Variants in ALK observed in about 807,000 individuals in gnomAD.
The protein encoded by ALK is ALK tyrosine kinase receptor.
Under a neutral mutation model 163.1 loss-of-function variants are expected in ALK, and 74 were observed. The observed-to-expected ratio is 0.45, with a 90% CI of 0.38 to 0.55. The LOEUF is 0.55. Ranked by LOEUF, ALK falls within the 20% of genes least tolerant of loss-of-function variation. ALK has a pLI of 0.00. For synonymous variants in ALK, 960 were observed against 843.2 expected, an observed-to-expected ratio of 1.14 and a Z score of -2.40; for missense variants, 2,063 against 2,105.3, an observed-to-expected ratio of 0.98 and a Z score of 0.39.
chr2:29,691,360 T>C (rs994371078), intron 3 of ALK, among the ~76,000 whole-genome samples: 2 of 152,224 alleles, frequency 1.3e-5, no homozygotes, highest in Non-Finnish European at 1.5e-5. Context: ...TCTTAAGTTA[T>C]GTTTGGATGT....
intron 3 of ALK, among the ~76,000 whole-genome samples, chr2:29,573,391 A>C (rs1292458104): frequency 6.6e-6 from 1 of 152,228 alleles, no homozygotes; most frequent in Non-Finnish European, 1.5e-5. Context: ...ATCCAGTCTA[A>C]CACCTGTTTT....
intron 1 of ALK, among the ~76,000 whole-genome samples, chr2:29,867,540 C>T (rs1666466260): frequency 6.6e-6 from 1 of 152,134 alleles, no homozygotes; most frequent in Admixed American, 6.6e-5. Context: ...TTGTCTCTGA[C>T]AATTTAAGAT....
At chr2:29,439,014 C>A (rs554702536) in intron 4 of ALK, among the ~76,000 whole-genome samples, 9 of 152,248 alleles carry the variant, frequency 5.9e-5, no homozygotes, top group Admixed American at 2.6e-4. Flanking sequence ...CCTCTGTAGC[C>A]CAGATATTGT....
chr2:29,476,057 T>C (rs569450508), intron 4 of ALK, among the ~76,000 whole-genome samples: 13 of 152,302 alleles, frequency 8.5e-5, no homozygotes, highest in African/African-American at 3.1e-4. Context: ...GCGCTGCCTA[T>C]GGGCGGGAGT....
intron 4 of ALK, among the ~76,000 whole-genome samples, chr2:29,384,838 G>A (rs1668990085): frequency 6.6e-6 from 1 of 152,094 alleles, no homozygotes; most frequent in Admixed American, 6.6e-5. Context: ...GGATCATGAG[G>A]TCAAGAGATT....
At chr2:29,506,015 T>C (rs147269141) in intron 4 of ALK, among the ~76,000 whole-genome samples, 1 of 152,210 alleles carries the variant, frequency 6.6e-6, no homozygotes, top group East Asian at 1.9e-4. Flanking sequence ...CAGAGCCAGT[T>C]TTTTTCTGAG....
chr2:29,662,766 GA>G (rs1202087729), intron 3 of ALK, among the ~76,000 whole-genome samples: 2 of 152,028 alleles, frequency 1.3e-5, no homozygotes, highest in African/African-American at 2.4e-5. Context: ...ACCTACACGT[GA>G]AGGCATTTTT....
chr2:29,211,844 A>G (rs1669474841), intron 24 of ALK, among the ~76,000 whole-genome samples: 1 of 152,250 alleles, frequency 6.6e-6, no homozygotes, highest in Non-Finnish European at 1.5e-5. Context: ...TTGGTGTTTG[A>G]CAATTTAATT....
At chr2:29,463,328 A>G (rs778721441) in intron 4 of ALK, among the ~76,000 whole-genome samples, 3 of 152,174 alleles carry the variant, frequency 2.0e-5, no homozygotes, top group Non-Finnish European at 4.4e-5. Context: ...ACCACAGAAA[A>G]TGATGACTGC....
chr2:29,706,622 G>C (rs911164127), intron 2 of ALK, among the ~76,000 whole-genome samples: 1 of 152,184 alleles, frequency 6.6e-6, no homozygotes, highest in Admixed American at 6.5e-5. Flanking sequence ...CATGAACACA[G>C]CCTCAGAGGG....
intron 4 of ALK, among the ~76,000 whole-genome samples, chr2:29,465,062 C>G (rs949170673): frequency 7.2e-5 from 11 of 152,252 alleles, no homozygotes; most frequent in African/African-American, 2.4e-4. Flanking sequence ...TTTAAGTTCA[C>G]AGAGCCAAGA....
intron 4 of ALK, among the ~76,000 whole-genome samples, chr2:29,502,634 C>T (rs1314751790): frequency 6.6e-6 from 1 of 152,136 alleles, no homozygotes; most frequent in Non-Finnish European, 1.5e-5. Context: ...CAGCACCGGC[C>T]TGGGTATCTG....
At chr2:29,885,038 T>G (rs1337095801) in intron 1 of ALK, among the ~76,000 whole-genome samples, 1 of 152,198 alleles carries the variant, frequency 6.6e-6, no homozygotes. Context: ...TCCTAAACCT[T>G]GAAGAGAAAA....
intron 3 of ALK, among the ~76,000 whole-genome samples, chr2:29,593,490 C>T (rs13391846): frequency 0.028 from 4,225 of 152,294 alleles, 203 homozygotes; most frequent in African/African-American, 0.096. Context: ...CTGTATTTCC[C>T]ACTGCAAAAC....
intron 1 of ALK, among the ~76,000 whole-genome samples, chr2:29,853,592 C>T (rs1039399796): frequency 1.3e-5 from 2 of 152,212 alleles, no homozygotes; most frequent in Admixed American, 6.5e-5. Context: ...CACCTCTGCT[C>T]TCCCTACCTA....
intron 4 of ALK, among the ~76,000 whole-genome samples, chr2:29,433,664 C>T (rs1185233216): frequency 6.6e-6 from 1 of 151,464 alleles, no homozygotes; most frequent in Admixed American, 6.6e-5. Context: ...GGCTGTGTTC[C>T]AATAAAATTT....
chr2:29,586,435 C>A (rs1043385277), intron 3 of ALK, among the ~76,000 whole-genome samples: 1 of 151,972 alleles, frequency 6.6e-6, no homozygotes, highest in Non-Finnish European at 1.5e-5. Flanking sequence ...AATAACTATC[C>A]ACATATATTA....
chr2:29,327,199 G>A (rs1477383159), intron 6 of ALK, among the ~76,000 whole-genome samples: 1 of 152,156 alleles, frequency 6.6e-6, no homozygotes, highest in African/African-American at 2.4e-5. Context: ...ACTCCGCCCC[G>A]ACTGCCAGTG....
At position 29,238,541 on chromosome 2, in the gene ALK, G is replaced by A. The variant is rs969374429; in HGVS notation, c.2355+1139C>T. Among the ~76,000 whole-genome samples, 32 of 152,144 alleles carry A rather than the reference G, an allele frequency of 2.1e-4. 1 individual carries two copies. The highest frequency in any genetic ancestry group is 7.5e-4 in the African/African-American group (31 of 41,412). Reference sequence around the variant, plus strand: ...AGTCCACTTCATTATCTTGAGAATTGTGTCTAGACACCATTTTTTCTGCCT... The same window carrying A: ...AGTCCACTTCATTATCTTGAGAATTATGTCTAGACACCATTTTTTCTGCCT... On this transcript the variant is annotated intron_variant, in intron 13 of 28. Transcript: ENST00000389048.
Sources: gnomAD v4.1 joint callset for allele counts (sites outside exome capture counted in the v4.1 genomes callset) on GRCh38, gnomAD v4.1.1 for gene constraint, MANE v1.5 for transcripts, NCBI Gene and HGNC (gene_info 2026-07-23, HGNC 2026-07-21) for gene names.